The following SGCZ variants were observed in gnomAD, a reference collection of about 807,000 sequenced individuals.
SGCZ encodes the protein sarcoglycan zeta, also known as zeta-sarcoglycan.
SGCZ carries 40 observed loss-of-function variants against 41.3 expected under a neutral mutation model. That is an observed-to-expected ratio of 0.97 (90% confidence interval 0.75 to 1.26). The LOEUF is 1.26. SGCZ is among the 50% of genes most tolerant of loss of function. The pLI, the probability that SGCZ is intolerant of heterozygous loss-of-function variation, is 0.00. For synonymous variants in SGCZ, 206 were observed against 137.5 expected, an observed-to-expected ratio of 1.50 and a Z score of -3.49; for missense variants, 552 against 369.8, an observed-to-expected ratio of 1.49 and a Z score of -4.04.
At chr8:14,730,906 G>A (rs1201893495) in intron 1 of SGCZ, among the ~76,000 whole-genome samples, 1 of 151,836 alleles carries the variant, frequency 6.6e-6, no homozygotes, top group African/African-American at 2.4e-5. Flanking sequence ...ACAGGATGTG[G>A]AGAAAGAGGA....
intron 1 of SGCZ, among the ~76,000 whole-genome samples, chr8:14,769,436 T>C (rs1434851739): frequency 6.6e-6 from 1 of 152,108 alleles, no homozygotes; most frequent in Non-Finnish European, 1.5e-5. Context: ...GATGTTAAAT[T>C]TGAAAGCAAA....
At chr8:15,055,978 G>A (rs541281259) in intron 1 of SGCZ, among the ~76,000 whole-genome samples, 2 of 152,154 alleles carry the variant, frequency 1.3e-5, no homozygotes, top group East Asian at 1.9e-4. Flanking sequence ...GAAATCTATC[G>A]ATCGTAAAGC....
intron 1 of SGCZ, among the ~76,000 whole-genome samples, chr8:14,622,501 A>G (rs188229808): frequency 8.1e-4 from 124 of 152,346 alleles, no homozygotes; most frequent in African/African-American, 2.8e-3. Flanking sequence ...CACAAAATTT[A>G]AATAACAAAA....
intron 1 of SGCZ, among the ~76,000 whole-genome samples, chr8:14,782,082 G>T (rs768724348): frequency 6.6e-6 from 1 of 152,086 alleles, no homozygotes; most frequent in African/African-American, 2.4e-5. Flanking sequence ...TGATACCGAT[G>T]TATTTAGCAA....
intron 3 of SGCZ, among the ~76,000 whole-genome samples, chr8:14,241,404 A>G (rs1198814039): frequency 6.7e-6 from 1 of 149,150 alleles, no homozygotes; most frequent in Non-Finnish European, 1.5e-5. Flanking sequence ...TACTATAAAG[A>G]TATAATATTT....
chr8:14,554,013 G>C (rs899410437), intron 2 of SGCZ, among the ~76,000 whole-genome samples: 3 of 152,052 alleles, frequency 2.0e-5, no homozygotes, highest in Admixed American at 6.6e-5. Context: ...AGCTAAACTG[G>C]ACTTTGCTGA....
chr8:14,271,989 T>A (rs7835276), intron 3 of SGCZ, among the ~76,000 whole-genome samples: 27,875 of 152,114 alleles, frequency 0.18, 2,726 homozygotes, highest in East Asian at 0.28. Context: ...ATGCTTTCAT[T>A]CACTTACCAA....
chr8:15,007,849 C>G (rs1172512245), intron 1 of SGCZ, among the ~76,000 whole-genome samples: 2 of 152,136 alleles, frequency 1.3e-5, no homozygotes, highest in African/African-American at 4.8e-5. Flanking sequence ...TTCAAACTTA[C>G]ATATGAGAAC....
chr8:14,298,245 A>G (rs1801079391), intron 3 of SGCZ, among the ~76,000 whole-genome samples: 1 of 152,048 alleles, frequency 6.6e-6, no homozygotes, highest in Non-Finnish European at 1.5e-5. Flanking sequence ...TACTGTAAAT[A>G]TGAATATCAT....
chr8:14,400,937 G>C (rs186427334), intron 2 of SGCZ, among the ~76,000 whole-genome samples: 2 of 152,026 alleles, frequency 1.3e-5, no homozygotes, highest in African/African-American at 2.4e-5. Context: ...GTCTTGTTTT[G>C]TTAAATATGT....
rs535688605 is a variant in SGCZ at position 14,598,747 on chromosome 8, C to G, written c.40-43821G>C. Among the ~76,000 whole-genome samples the G allele has an allele frequency of 3.3e-5, 5 of 152,106 alleles. No homozygotes were observed. The South Asian group carries it at 8.3e-4, about 25-fold the overall frequency. ...TTTTTGCCAAGTAGCCCAGGCTTAT[C>G]TCAAATTTCTGGGCTTAAGCAATCG... On this transcript the variant is annotated intron_variant, in intron 1 of 7. Coordinates refer to ENST00000382080, the MANE Select transcript of SGCZ (RefSeq NM_139167.4).
intron 1 of SGCZ, among the ~76,000 whole-genome samples, chr8:15,177,456 G>A (rs1304779149): frequency 2.6e-5 from 4 of 152,292 alleles, no homozygotes; most frequent in African/African-American, 7.2e-5. Context: ...TATTCTATCT[G>A]TAAATGTTGA....
intron 2 of SGCZ, among the ~76,000 whole-genome samples, chr8:14,446,903 T>A (rs1001924482): frequency 1.3e-5 from 2 of 152,206 alleles, no homozygotes; most frequent in Non-Finnish European, 2.9e-5. Context: ...ATCTTCATAT[T>A]CATTACACCA....
intron 1 of SGCZ, among the ~76,000 whole-genome samples, chr8:14,631,890 T>C (rs531601008): frequency 2.0e-5 from 3 of 152,298 alleles, no homozygotes; most frequent in South Asian, 2.1e-4. Context: ...ATTTGTATAA[T>C]ACTAAGATTG....
chr8:14,868,151 AT>A (rs925127465), intron 1 of SGCZ, among the ~76,000 whole-genome samples: 6 of 152,104 alleles, frequency 3.9e-5, no homozygotes, highest in African/African-American at 1.4e-4. Context: ...TTCATTGAAT[AT>A]TTTTACTGAA....
intron 3 of SGCZ, among the ~76,000 whole-genome samples, chr8:14,250,250 C>T (rs2117204403): frequency 6.6e-6 from 1 of 152,268 alleles, no homozygotes; most frequent in African/African-American, 2.4e-5. Flanking sequence ...TCAAGTAGAA[C>T]ATTGCAATTG....
intron 1 of SGCZ, among the ~76,000 whole-genome samples, chr8:14,992,960 T>C (rs941791704): frequency 3.5e-5 from 5 of 143,594 alleles, no homozygotes; most frequent in African/African-American, 1.3e-4. Context: ...CCCCCACCCA[T>C]CCTCCTCCTT....
In SGCZ at chr8:15,237,570, C is replaced by T; in HGVS notation, c.39+15G>A. 2 of 1,586,524 alleles carry T rather than the reference C, an allele frequency of 1.3e-6. No individual in the cohort carries two copies. Among genetic ancestry groups the T allele is most frequent in the African/African-American group, 1.3e-5 (1 of 74,372 alleles). ...CCGAGAAGCGGCCGCGAAGCCCGCC[C>T]GGACCCGCACGTACCTTGAGCTCCT... On this transcript the variant is annotated intron_variant, in intron 1 of 7. Transcript: ENST00000382080.
At chr8:14,306,383 CTATT>C (rs1801353781) in intron 3 of SGCZ, among the ~76,000 whole-genome samples, 1 of 152,156 alleles carries the variant, frequency 6.6e-6, no homozygotes, top group African/African-American at 2.4e-5. Context: ...GCTTGATTAA[CTATT>C]TAGCCAATTT....
Sources: allele counts gnomAD v4.1 joint callset (sites outside exome capture counted in the v4.1 genomes callset), GRCh38; gene constraint gnomAD v4.1.1; transcripts MANE v1.5; gene names NCBI Gene and HGNC (gene_info 2026-07-23, HGNC 2026-07-21).